MARCHF10: variants seen among roughly 807,000 people sequenced by gnomAD.
MARCHF10 encodes the protein probable E3 ubiquitin-protein ligase MARCHF10.
A neutral mutation model predicts 76.2 loss-of-function variants in MARCHF10; 64 were observed. The ratio of observed to expected loss-of-function variants is 0.84; its 90% CI spans 0.69 to 1.03. The LOEUF (loss-of-function observed/expected upper bound fraction) is 1.03. MARCHF10 is among the 50% of genes least tolerant of loss of function. The pLI is 0.00. For synonymous variants in MARCHF10, 340 were observed against 357.5 expected (o/e 0.95, Z 0.55); for missense variants, 875 against 958.0 (o/e 0.91, Z 1.14).
rs1303878094 is a variant in MARCHF10 at position 62,792,739 on chromosome 17, C to CCACCACCTCCAT, written c.91-4152_91-4141dup. On this transcript the variant is annotated intron_variant, in intron 2 of 10. Transcript: ENST00000311269. The stretch of plus-strand genomic sequence containing the variant: ...ATCACCACCACCACCACCATCACCA[C>CCACCACCTCCAT]CACCACCTCCATCACCACCACCACC... Among the ~76,000 whole-genome samples, 5 of 146,696 alleles carry CCACCACCTCCAT rather than the reference C, an allele frequency of 3.4e-5. No individual in the cohort carries two copies. The South Asian group carries it at 6.7e-4, about 20-fold the overall frequency.
intron 8 of MARCHF10, among the ~76,000 whole-genome samples, chr17:62,713,275 C>T (rs945044807): frequency 6.6e-6 from 1 of 152,192 alleles, no homozygotes; most frequent in Non-Finnish European, 1.5e-5. Flanking sequence ...ATGCTTGAGA[C>T]ACCGGGATGC....
At chr17:62,789,303 T>C (rs1002527756) in intron 2 of MARCHF10, among the ~76,000 whole-genome samples, 4 of 152,084 alleles carry the variant, frequency 2.6e-5, no homozygotes, top group South Asian at 2.1e-4. Flanking sequence ...GACACCCTAG[T>C]TGCGGGATGA....
chr17:62,749,554 C>CAAAT (rs1044073011), intron 4 of MARCHF10, among the ~76,000 whole-genome samples: 1 of 152,198 alleles, frequency 6.6e-6, no homozygotes, highest in Non-Finnish European at 1.5e-5. Context: ...TGTGCAGTCA[C>CAAAT]AAATAATAGG....
chr17:62,765,577 C>T (rs76604699), intron 3 of MARCHF10, among the ~76,000 whole-genome samples: 10 of 152,138 alleles, frequency 6.6e-5, no homozygotes, highest in Admixed American at 3.9e-4. Flanking sequence ...TCCATCACTA[C>T]GGGGGTGCCC....
At chr17:62,798,226 G>C (rs1490828364) in intron 2 of MARCHF10, among the ~76,000 whole-genome samples, 2 of 152,038 alleles carry the variant, frequency 1.3e-5, no homozygotes, top group Non-Finnish European at 2.9e-5. Flanking sequence ...TGGAACCCTA[G>C]GGAAATTAAC....
chr17:62,802,954 A>C (rs1319444343), intron 1 of MARCHF10, among the ~76,000 whole-genome samples: 1 of 152,128 alleles, frequency 6.6e-6, no homozygotes, highest in Non-Finnish European at 1.5e-5. Flanking sequence ...GTTTTTATTT[A>C]TTTGTTAATT....
At chr17:62,775,885 T>C (rs924567704) in intron 3 of MARCHF10, among the ~76,000 whole-genome samples, 2 of 152,142 alleles carry the variant, frequency 1.3e-5, no homozygotes, top group Admixed American at 6.5e-5. Context: ...GGTGTGATCA[T>C]AGCTCACTGC....
rs567506056 is a variant in MARCHF10 at position 62,760,603 on chromosome 17, A to G, written c.211-597T>C. On this transcript the variant is annotated intron_variant, in intron 3 of 10. Coordinates refer to ENST00000311269, the MANE Select transcript of MARCHF10 (RefSeq NM_152598.4). ...ATCATGATTCCTGCTGTGTCAGAAT[A>G]TCTCAACACAGCCATGCCGACGCAA... is the stretch of plus-strand genomic sequence containing the variant. 1.8e-4 allele frequency among the ~76,000 whole-genome samples: 27 copies of G among 152,368 alleles called. No homozygotes were observed. In the South Asian group the frequency reaches 4.4e-3, roughly 25 times the overall value.
At chr17:62,740,618 A>T (rs1226974887) in intron 5 of MARCHF10, among the ~76,000 whole-genome samples, 1 of 151,750 alleles carries the variant, frequency 6.6e-6, no homozygotes, top group Non-Finnish European at 1.5e-5. Flanking sequence ...GGCTGTTTTC[A>T]TCCTGCAATT....
intron 4 of MARCHF10, chr17:62,747,080 C>T (rs2091732424): frequency 3.8e-6 from 3 of 793,842 alleles, no homozygotes; most frequent in African/African-American, 3.4e-5. Flanking sequence ...TCCAACTAGC[C>T]TGCACGCTCC....
chr17:62,723,162 G>A (rs2090575304), intron 7 of MARCHF10, among the ~76,000 whole-genome samples: 1 of 151,296 alleles, frequency 6.6e-6, no homozygotes, highest in Non-Finnish European at 1.5e-5. Context: ...TCATCAGCCT[G>A]AGCTCAGACT....
intron 1 of MARCHF10, among the ~76,000 whole-genome samples, chr17:62,804,398 C>T (rs562454172): frequency 7.2e-5 from 11 of 152,036 alleles, no homozygotes; most frequent in Admixed American, 2.0e-4. Flanking sequence ...GACAAAACCT[C>T]GTGAAGAACA....
chr17:62,760,388 G>T (rs1267448261), intron 3 of MARCHF10, among the ~76,000 whole-genome samples: 1 of 152,188 alleles, frequency 6.6e-6, no homozygotes, highest in Non-Finnish European at 1.5e-5. Flanking sequence ...AAGAAAAAAT[G>T]TTCCTTATGT....
At chr17:62,779,250 T>A (rs1437557001) in intron 3 of MARCHF10, among the ~76,000 whole-genome samples, 1 of 152,158 alleles carries the variant, frequency 6.6e-6, no homozygotes, top group Non-Finnish European at 1.5e-5. Flanking sequence ...ATGCGCGACC[T>A]GCCTCATCAG....
intron 8 of MARCHF10, among the ~76,000 whole-genome samples, chr17:62,721,111 C>T (rs140109361): frequency 0.015 from 2,303 of 152,156 alleles, 20 homozygotes; most frequent in African/African-American, 0.022. Context: ...TCAAGTGATC[C>T]GCCCACCTTG....
intron 3 of MARCHF10, among the ~76,000 whole-genome samples, chr17:62,779,966 G>A (rs1004181832): frequency 2.0e-5 from 3 of 152,264 alleles, no homozygotes; most frequent in East Asian, 1.9e-4. Context: ...GCGTGGTGGC[G>A]GGTGCCAGTA....
chr17:62,792,081 T>C (rs1214336967), intron 2 of MARCHF10, among the ~76,000 whole-genome samples: 1 of 152,088 alleles, frequency 6.6e-6, no homozygotes, highest in Non-Finnish European at 1.5e-5. Flanking sequence ...TTCTTCCTTC[T>C]GGGAAGATCA....
chr17:62,793,537 A>G (rs1331570460), intron 2 of MARCHF10, among the ~76,000 whole-genome samples: 9 of 118,606 alleles, frequency 7.6e-5, no homozygotes, highest in Non-Finnish European at 1.0e-4. Flanking sequence ...CATCACCACC[A>G]CCACCACCTC....
intron 3 of MARCHF10, among the ~76,000 whole-genome samples, chr17:62,773,391 A>C (rs918101005): frequency 6.6e-6 from 1 of 152,204 alleles, no homozygotes; most frequent in Non-Finnish European, 1.5e-5. Flanking sequence ...TGGAATGATG[A>C]GCATGGAAGC....
Sources: allele counts gnomAD v4.1 joint callset (sites outside exome capture counted in the v4.1 genomes callset), GRCh38; gene constraint gnomAD v4.1.1; transcripts MANE v1.5; gene names NCBI Gene and HGNC (gene_info 2026-07-23, HGNC 2026-07-21).